The following HS1BP3 variants were observed in gnomAD, a reference collection of about 807,000 sequenced individuals.
The protein encoded by HS1BP3 is HCLS1-binding protein 3.
In HS1BP3, 32 loss-of-function variants were observed where a neutral mutation model predicts 33.5. The observed-to-expected ratio is 0.95, with a 90% CI of 0.72 to 1.28. The LOEUF (loss-of-function observed/expected upper bound fraction) is 1.28. Ranked by LOEUF, HS1BP3 falls within the 50% of genes most tolerant of loss-of-function variation. The probability of loss-of-function intolerance (pLI) is 0.00; values close to 1 mark genes in which losing one functional copy is unlikely to be tolerated. For synonymous variants in HS1BP3, 187 were observed against 209.2 expected (o/e 0.89, Z 0.92); for missense variants, 486 against 502.3 (o/e 0.97, Z 0.31).
At chr2:20,617,289 T>C (rs1322762950), downstream of HS1BP3, among the ~76,000 whole-genome samples, 1 of 151,780 alleles carries the variant, frequency 6.6e-6, no homozygotes, top group Non-Finnish European at 1.5e-5. Flanking sequence ...CGGGGCTGAG[T>C]GCTGGGAAGG....
At chr2:20,628,318 G>T (rs2149294166) in intron 4 of HS1BP3, among the ~76,000 whole-genome samples, 1 of 152,272 alleles carries the variant, frequency 6.6e-6, no homozygotes. Flanking sequence ...GGCCGAGTGA[G>T]GTGGCTTATG....
At chr2:20,560,603 G>T (rs1692967121) in intron 5 of HS1BP3, 1 of 152,246 alleles carries the variant, frequency 6.6e-6, no homozygotes, top group Non-Finnish European at 1.5e-5. Flanking sequence ...AGGCAGGAAA[G>T]AAATGGTTGT....
chr2:20,647,256 T>C (rs1004003023), intron 1 of HS1BP3, among the ~76,000 whole-genome samples: 1 of 152,170 alleles, frequency 6.6e-6, no homozygotes, highest in Non-Finnish European at 1.5e-5. Context: ...CAGGGTCCCA[T>C]TCCATTGCTG....
chr2:20,605,271 C>T (rs1419851262), intron 2 of HS1BP3, among the ~76,000 whole-genome samples: 1 of 152,132 alleles, frequency 6.6e-6, no homozygotes, highest in East Asian at 1.9e-4. Flanking sequence ...CAGGTTGCAC[C>T]CCCCACTTGC....
At chr2:20,554,761 T>A in the HS1BP3 span, among the ~76,000 whole-genome samples, 1 of 150,750 alleles carries the variant, frequency 6.6e-6, no homozygotes, top group East Asian at 2.0e-4. Context: ...TTGTCTTCCC[T>A]ATATGAAGTG....
At chr2:20,649,784 T>C (rs1308159954) in intron 1 of HS1BP3, among the ~76,000 whole-genome samples, 1 of 152,158 alleles carries the variant, frequency 6.6e-6, no homozygotes, top group Non-Finnish European at 1.5e-5. Flanking sequence ...CAGCAAGAAA[T>C]GAGCCTGACT....
At chr2:20,612,894 A>G (rs1361439158), downstream of HS1BP3, among the ~76,000 whole-genome samples, 3 of 152,140 alleles carry the variant, frequency 2.0e-5, no homozygotes, top group African/African-American at 7.2e-5. Flanking sequence ...TGCTAAATCT[A>G]TTTCCCAAAG....
intron 5 of HS1BP3, among the ~76,000 whole-genome samples, chr2:20,583,190 C>T (rs574975871): frequency 2.6e-5 from 4 of 152,366 alleles, no homozygotes; most frequent in African/African-American, 9.6e-5. Flanking sequence ...TTTCTCAGGC[C>T]CCCAGCCTGG....
intron 4 of HS1BP3, among the ~76,000 whole-genome samples, chr2:20,627,177 G>T (rs2149293552): frequency 6.6e-6 from 1 of 152,350 alleles, no homozygotes; most frequent in Non-Finnish European, 1.5e-5. Flanking sequence ...CGGTGGGGAA[G>T]GGTGGAGAGC....
chr2:20,594,069 C>G (rs762994707), intron 3 of HS1BP3, among the ~76,000 whole-genome samples: 1 of 152,258 alleles, frequency 6.6e-6, no homozygotes, highest in Non-Finnish European at 1.5e-5. Context: ...ATCTTTAAAT[C>G]TGGGCATCGA....
intron 1 of HS1BP3, among the ~76,000 whole-genome samples, chr2:20,649,811 C>T (rs1394193197): frequency 1.3e-5 from 2 of 152,198 alleles, no homozygotes; most frequent in African/African-American, 2.4e-5. Flanking sequence ...GCCTTACCAC[C>T]GCCAGCGCCC....
chr2:20,585,382 T>A (rs751376548), intron 5 of HS1BP3, among the ~76,000 whole-genome samples: 20 of 151,722 alleles, frequency 1.3e-4, no homozygotes, highest in Non-Finnish European at 2.4e-4. Context: ...TACTCTCGAG[T>A]GTCCCGGTCT....
chr2:20,588,540 G>A (rs1041019477), downstream of HS1BP3, among the ~76,000 whole-genome samples: 7 of 152,100 alleles, frequency 4.6e-5, no homozygotes, highest in Non-Finnish European at 8.8e-5. Flanking sequence ...GGCTGGTCTC[G>A]AATTCCCGAC....
intron 2 of HS1BP3, among the ~76,000 whole-genome samples, chr2:20,608,428 G>T (rs866066113): frequency 4.7e-4 from 71 of 151,992 alleles, no homozygotes; most frequent in African/African-American, 1.5e-3. Context: ...TACAAAATTA[G>T]CTGGCTGTGG....
chr2:20,627,829 A>G (rs1348456119), intron 4 of HS1BP3, among the ~76,000 whole-genome samples: 1 of 152,042 alleles, frequency 6.6e-6, no homozygotes, highest in Non-Finnish European at 1.5e-5. Flanking sequence ...GCGGCCCAAA[A>G]CTTTCAGCCT....
Position 20,646,599 on chromosome 2 carries a change from G to A in HS1BP3, c.33-1094C>T, listed in dbSNP as rs374437770. 3.9e-5 allele frequency among the ~76,000 whole-genome samples: 6 copies of A among 152,364 alleles called. No homozygotes were observed. In the South Asian group the frequency reaches 8.3e-4, roughly 21 times the overall value. ...GTACACACAAGGAATATCCTCCCGC[G>A]GCGTAGGGCACCCCAGGCAACCTGC... On this transcript the variant is annotated intron_variant, in intron 1 of 6. Coordinates refer to ENST00000304031, the MANE Select transcript of HS1BP3 (RefSeq NM_022460.4).
intron 5 of HS1BP3, among the ~76,000 whole-genome samples, chr2:20,581,688 C>T (rs147232137): frequency 5.9e-5 from 9 of 152,320 alleles, no homozygotes; most frequent in Non-Finnish European, 1.0e-4. Flanking sequence ...GTGGTTGAGT[C>T]GTCTGGGCAC....
At chr2:20,571,740 G>T (rs577218649) in intron 5 of HS1BP3, among the ~76,000 whole-genome samples, 7 of 152,176 alleles carry the variant, frequency 4.6e-5, no homozygotes, top group Non-Finnish European at 1.0e-4. Context: ...CTTCCCCCAG[G>T]AGTCTTTCCC....
At chr2:20,578,120 C>T (rs1233679603) in intron 5 of HS1BP3, among the ~76,000 whole-genome samples, 1 of 152,182 alleles carries the variant, frequency 6.6e-6, no homozygotes, top group East Asian at 1.9e-4. Flanking sequence ...CTTGCTGATC[C>T]CTGGCAAGGG....
Sources: allele counts gnomAD v4.1 joint callset (sites outside exome capture counted in the v4.1 genomes callset), GRCh38; gene constraint gnomAD v4.1.1; transcripts MANE v1.5; gene names NCBI Gene and HGNC (gene_info 2026-07-23, HGNC 2026-07-21).